OAS3: variants seen among roughly 807,000 people sequenced by gnomAD.
OAS3 encodes 2'-5'-oligoadenylate synthase 3.
A neutral mutation model predicts 113.0 loss-of-function variants in OAS3; 107 were observed. That is an observed-to-expected ratio of 0.95 (90% confidence interval 0.81 to 1.11). OAS3 has a LOEUF of 1.11. Among genes scored for constraint, OAS3 ranks in the 50% most tolerant of loss-of-function variants. The pLI, the probability that OAS3 is intolerant of heterozygous loss-of-function variation, is 0.00. For missense variants in OAS3, 1,258 were observed against 1,389.1 expected (o/e 0.91, Z 1.50); for synonymous variants, 552 against 573.6 (o/e 0.96, Z 0.54).
chr12:112,954,802 A>G lies in OAS3; in HGVS notation c.1657+3827A>G, dbSNP rs922771054. ...TGGCTTAGGATTGTCTTGGCAATGC[A>G]GGCTCTTTTTTGGTTTCATATGAAC... is the stretch of plus-strand genomic sequence containing the variant. On this transcript the variant is annotated intron_variant, in intron 7 of 15. Transcript: ENST00000228928. This position sits in a 1 kb window ranked among gnomAD's most constrained non-coding sequence, Gnocchi z 4.0. Among the ~76,000 whole-genome samples, 8 of 152,314 alleles carry G rather than the reference A, an allele frequency of 5.3e-5. 1 individual carries two copies. Among genetic ancestry groups the G allele is most frequent in the African/African-American group, 1.7e-4 (7 of 41,572 alleles).
intron 7 of OAS3, among the ~76,000 whole-genome samples, chr12:112,956,889 C>G (rs2043840256): frequency 6.6e-6 from 1 of 152,142 alleles, no homozygotes; most frequent in South Asian, 2.1e-4. Flanking sequence ...TCTTGGATAT[C>G]CTTGTTAACT....
At chr12:112,962,287 A>ACAAC (rs1379599293) in intron 8 of OAS3, among the ~76,000 whole-genome samples, 1 of 152,248 alleles carries the variant, frequency 6.6e-6, no homozygotes, top group Non-Finnish European at 1.5e-5. Context: ...CTATTCCTGT[A>ACAAC]CAACCACCCC....
chr12:112,968,009 G>C lies in OAS3; in HGVS notation c.2939G>C (p.Trp980Ser). 1 of 1,614,036 alleles carries C rather than the reference G, an allele frequency of 6.2e-7. No individual in the cohort carries two copies. Among genetic ancestry groups the C allele is most frequent in the Non-Finnish European group, 8.5e-7 (1 of 1,179,902 alleles). ...HGLELLTVYAWEQGGKDSQFN... is the reference protein window; with the variant it reads ...HGLELLTVYASEQGGKDSQFN... ...CTGGAACTCCTGACTGTGTATGCCT[G>C]GGAGCAGGGCGGGAAGGACTCCCAG... Residue 980 changes from tryptophan to serine, a missense_variant, in exon 14 of 16, where the codon TGG (tryptophan) becomes TCG (serine). By Grantham distance (177) the Trp-to-Ser change is radical. Transcript: ENST00000228928.
chr12:112,944,725 T>G, intron 3 of OAS3, 74 bp downstream of exon 3: 1 of 1,517,512 alleles, frequency 6.6e-7, no homozygotes, highest in Non-Finnish European at 9.1e-7. Context: ...GAAACTGTTG[T>G]CTTACATTTA....
chr12:112,966,104 A>C, intron 12 of OAS3, 75 bp downstream of exon 12: 1 of 1,457,926 alleles, frequency 6.9e-7, no homozygotes, highest in Middle Eastern at 1.8e-4. Context: ...TAGAGGTTGC[A>C]CAGTACACAA....
chr12:112,949,121 C>T lies in OAS3; in HGVS notation c.1290C>T (p.Phe430=). 6.2e-7 allele frequency: 1 copy of T among 1,613,972 alleles called. No individual in the cohort carries two copies. Among genetic ancestry groups the T allele is most frequent in the Non-Finnish European group, 8.5e-7 (1 of 1,179,894 alleles). Residue 430 remains phenylalanine, a synonymous_variant, in exon 6 of 16, where the codon TTC becomes TTT. Coordinates refer to ENST00000228928, the MANE Select transcript of OAS3 (RefSeq NM_006187.4). ...IQDHLKPSPQ[F]QEQVKKAIDI... is the part of the protein sequence containing the mutation. ...ACCACCTGAAGCCGAGCCCCCAGTT[C>T]CAGGAGCAGGTGAAAAAGGCCATTG... is the stretch of plus-strand genomic sequence containing the variant.
intron 8 of OAS3, among the ~76,000 whole-genome samples, chr12:112,961,841 G>A (rs2043890025): frequency 1.3e-5 from 2 of 151,922 alleles, no homozygotes; most frequent in Admixed American, 6.6e-5. Context: ...TGTCATCCAG[G>A]CTGGAGTGCT....
In OAS3 at chr12:112,953,686, GGT is replaced by G. The variant is rs1235847725; in HGVS notation, c.1657+2715_1657+2716del. ...CTTTTTAATGATCGCCATTCTAACT[GGT>G]GTGAGATGGTATCTCATTGTGGTTT... On this transcript the variant is annotated intron_variant, in intron 7 of 15. Coordinates refer to ENST00000228928, the MANE Select transcript of OAS3 (RefSeq NM_006187.4). Among the ~76,000 whole-genome samples the G allele has an allele frequency of 3.9e-5, 6 of 152,174 alleles. 1 individual carries two copies. The highest frequency in any genetic ancestry group is 1.4e-4 in the African/African-American group (6 of 41,514).
intron 3 of OAS3, among the ~76,000 whole-genome samples, chr12:112,945,618 C>G (rs751522763): frequency 6.6e-6 from 1 of 152,138 alleles, no homozygotes; most frequent in African/African-American, 2.4e-5. Context: ...ATGGACCAGT[C>G]ATCATAAGCA....
intron 12 of OAS3, among the ~76,000 whole-genome samples, chr12:112,966,704 C>T (rs1206140940): frequency 6.6e-6 from 1 of 152,088 alleles, no homozygotes; most frequent in Non-Finnish European, 1.5e-5. Flanking sequence ...TGCAGTGGCA[C>T]CATCATGACT....
rs534197227 is a variant in OAS3 at position 112,959,434 on chromosome 12, C to T, written c.1658-1637C>T. On this transcript the variant is annotated intron_variant, in intron 7 of 15. Transcript: ENST00000228928. Reference sequence around the variant, plus strand: ...AATCACCCATCTTCTGTGTCACTCACGCTGGGAGCTGTAGACTGGAGCTGT... The same window carrying T: ...AATCACCCATCTTCTGTGTCACTCATGCTGGGAGCTGTAGACTGGAGCTGT... Among the ~76,000 whole-genome samples, 24 of 152,282 alleles carry T rather than the reference C, an allele frequency of 1.6e-4. 1 individual carries two copies. The East Asian group carries it at 2.1e-3, about 13-fold the overall frequency.
intron 12 of OAS3, among the ~76,000 whole-genome samples, chr12:112,967,057 G>A (rs2043940230): frequency 6.6e-6 from 1 of 152,194 alleles, no homozygotes; most frequent in South Asian, 2.1e-4. Flanking sequence ...TCCATACACA[G>A]CTCTGTTACC....
chr12:112,938,666 C>T lies in OAS3; in HGVS notation c.136C>T (p.Arg46Cys), dbSNP rs753889769. Reference sequence around the variant, plus strand: ...CGCTGCCCTGAGGGAGCGCGGGGGCCGCCTCGGTGCTGCTGCCCCGCGGGT... The same window carrying T: ...CGCTGCCCTGAGGGAGCGCGGGGGCTGCCTCGGTGCTGCTGCCCCGCGGGT... ...LAAALRERGG[R>C]LGAAAPRVLK... The change falls in exon 1 of 16, where the codon CGC becomes TGC. Residue 46 changes from arginine to cysteine, a missense_variant. By Grantham distance (180) the Arg-to-Cys change is radical. Transcript: ENST00000228928. 38 of 1,588,814 alleles carry T rather than the reference C, an allele frequency of 2.4e-5. No individual in the cohort carries two copies. The East Asian group carries it at 7.6e-4, about 32-fold the overall frequency.
In OAS3 at chr12:112,963,761, C is replaced by T. The variant is rs879511571; in HGVS notation, c.2229+304C>T. Among the ~76,000 whole-genome samples the T allele has an allele frequency of 1.3e-5, 2 of 152,224 alleles. No individual in the cohort carries two copies. Among genetic ancestry groups the T allele is most frequent in the Non-Finnish European group, 2.9e-5 (2 of 68,042 alleles). ...GCAAACACTTGTCTCCGGCTGAGCA[C>T]CCAGCTTTGCTGAGCCTCTTCTCTG... On this transcript the variant is annotated intron_variant, in intron 10 of 15. Coordinates refer to ENST00000228928, the MANE Select transcript of OAS3 (RefSeq NM_006187.4). The surrounding 1 kb of genome is among the most constrained non-coding windows in gnomAD (Gnocchi z 4.6).
In OAS3 at chr12:112,962,670, G is replaced by A. The variant is rs2043897399; in HGVS notation, c.1852G>A (p.Gly618Arg). The A allele has an allele frequency of 6.2e-7, 1 of 1,613,942 alleles. No individual in the cohort carries two copies. The highest frequency in any genetic ancestry group is 8.5e-7 in the Non-Finnish European group (1 of 1,179,856). The part of the protein sequence containing the change: ...WYRQVAAQNK[G>R]KGPAPASLPP... Reference sequence around the variant, plus strand: ...GACACAGGTTGCGGCTCAGAACAAAGGAAAAGGACCAGCCCCTGCCTCTCT... The same window carrying A: ...GACACAGGTTGCGGCTCAGAACAAAAGAAAAGGACCAGCCCCTGCCTCTCT... Residue 618 changes from glycine to arginine, a missense_variant, in exon 9 of 16, where the codon GGA (glycine) becomes AGA (arginine). Gly to Arg is a moderately radical substitution (Grantham distance 125). Coordinates refer to ENST00000228928, the MANE Select transcript of OAS3 (RefSeq NM_006187.4).
chr12:112,941,629 C>G lies in OAS3; in HGVS notation c.237C>G (p.Ile79Met). The G allele has an allele frequency of 6.2e-7, 1 of 1,614,036 alleles. No individual in the cohort carries two copies. The highest frequency in any genetic ancestry group is 1.3e-5 in the African/African-American group (1 of 75,046). ...GTGGCTGTGATTCTGAACTTGTCATCTTCCTCGACTGCTTCAAGAGCTATG... is the reference window on the plus strand; with the variant it reads ...GTGGCTGTGATTCTGAACTTGTCATGTTCCTCGACTGCTTCAAGAGCTATG... ...LKGGCDSELVIFLDCFKSYVD... is the reference protein window; with the variant it reads ...LKGGCDSELVMFLDCFKSYVD... Residue 79 changes from isoleucine to methionine, a missense_variant, in exon 2 of 16, where the codon ATC becomes ATG. Ile to Met is a conservative substitution (Grantham distance 10, BLOSUM62 1). Transcript: ENST00000228928.
intron 1 of OAS3, 79 bp downstream of exon 1, chr12:112,938,786 T>G: frequency 8.6e-7 from 1 of 1,169,588 alleles, no homozygotes; most frequent in Non-Finnish European, 1.1e-6. Flanking sequence ...AGGCTTACGG[T>G]GGGGGTGGCT....
At chr12:112,952,230 T>A (rs1043110426) in intron 7 of OAS3, among the ~76,000 whole-genome samples, 26 of 152,334 alleles carry the variant, frequency 1.7e-4, no homozygotes, top group Non-Finnish European at 3.4e-4. Flanking sequence ...AAGTGCATAA[T>A]ATTATATTTT....
At chr12:112,944,693 T>C (rs1366667703) in intron 3 of OAS3, 42 bp downstream of exon 3, 2 of 1,601,042 alleles carry the variant, frequency 1.2e-6, no homozygotes, top group Non-Finnish European at 1.7e-6. Context: ...TGTGACTGTT[T>C]GCTTTGTGCT....
Sources: gnomAD v4.1 joint callset for allele counts (sites outside exome capture counted in the v4.1 genomes callset) on GRCh38, gnomAD v4.1.1 for gene constraint, Gnocchi (gnomAD v3.1) non-coding constraint, MANE v1.5 for transcripts, NCBI Gene and HGNC (gene_info 2026-07-23, HGNC 2026-07-21) for gene names.